Variants in NRXN3 observed in about 807,000 individuals in gnomAD.
NRXN3 encodes neurexin III.
A neutral mutation model predicts 137.6 loss-of-function variants in NRXN3; 32 were observed. The observed-to-expected ratio is 0.23, with a 90% CI of 0.18 to 0.31. The LOEUF is 0.31. Among genes scored for constraint, NRXN3 ranks in the 10% least tolerant of loss-of-function variants. The pLI, the probability that NRXN3 is intolerant of heterozygous loss-of-function variation, is 1.00. For synonymous variants in NRXN3, 798 were observed against 784.5 expected (o/e 1.02, Z -0.29); for missense variants, 1,574 against 2,062.5 (o/e 0.76, Z 4.59).
intron 16 of NRXN3, among the ~76,000 whole-genome samples, chr14:79,528,461 G>A (rs1433640855): frequency 1.3e-5 from 2 of 152,148 alleles, no homozygotes; most frequent in African/African-American, 4.8e-5. Context: ...GCAAAAAGTA[G>A]AGTAAGTTAT....
At chr14:79,500,623 G>A (rs548482928) in intron 16 of NRXN3, among the ~76,000 whole-genome samples, 6 of 152,232 alleles carry the variant, frequency 3.9e-5, no homozygotes, top group East Asian at 3.9e-4. Context: ...TTTCGTTTGT[G>A]TCTTAGTATG....
chr14:78,515,504 A>G (rs994073481), intron 4 of NRXN3, among the ~76,000 whole-genome samples: 3 of 152,166 alleles, frequency 2.0e-5, no homozygotes, highest in Non-Finnish European at 2.9e-5. Context: ...GAAGTGGCCT[A>G]TGAAAAAGCA....
At chr14:78,499,976 A>G (rs2095853322) in intron 4 of NRXN3, among the ~76,000 whole-genome samples, 1 of 152,170 alleles carries the variant, frequency 6.6e-6, no homozygotes, top group South Asian at 2.1e-4. Flanking sequence ...TGTTTGTTAC[A>G]CACAAGTCAC....
chr14:79,770,166 TTAA>T (rs1300131950), intron 19 of NRXN3, among the ~76,000 whole-genome samples: 1 of 151,828 alleles, frequency 6.6e-6, no homozygotes, highest in Non-Finnish European at 1.5e-5. Context: ...CTCCCACACA[TTAA>T]TAATGGGAGA....
rs71131666 is a variant in NRXN3 at position 78,917,988 on chromosome 14, G to GAAAAA, written c.2276-39243_2276-39239dup. Among the ~76,000 whole-genome samples the GAAAAA allele has an allele frequency of 3.2e-3, 339 of 107,442 alleles. 2 individuals are homozygous for GAAAAA. Among genetic ancestry groups the GAAAAA allele is most frequent in the East Asian group, 0.022 (90 of 4,042 alleles). 70.5% of individuals were successfully genotyped at this position (107,442 alleles called of 152,430 possible). ...AAAAAAAATAAAAAAATAAAAAAAT[G>GAAAAA]AAAAAAAAAAAAAAAGGCCAGGCAT... On this transcript the variant is annotated intron_variant, in intron 10 of 20. Transcript: ENST00000335750.
chr14:79,823,069 T>C (rs1568367072), intron 20 of NRXN3, among the ~76,000 whole-genome samples: 1 of 152,168 alleles, frequency 6.6e-6, no homozygotes, highest in Non-Finnish European at 1.5e-5. Flanking sequence ...GATCCATCTT[T>C]GTGTCAAGAG....
At chr14:79,800,973 T>G (rs1262731361) in intron 19 of NRXN3, among the ~76,000 whole-genome samples, 2 of 152,232 alleles carry the variant, frequency 1.3e-5, no homozygotes, top group Non-Finnish European at 2.9e-5. Flanking sequence ...ATTCTAAGCC[T>G]TTTTGCAAAT....
intron 4 of NRXN3, among the ~76,000 whole-genome samples, chr14:78,584,962 A>G (rs2097046498): frequency 6.6e-6 from 1 of 152,200 alleles, no homozygotes; most frequent in Non-Finnish European, 1.5e-5. Flanking sequence ...TCTACTCCAT[A>G]ACAGGCATAG....
intron 15 of NRXN3, among the ~76,000 whole-genome samples, chr14:79,037,268 C>T (rs1002840725): frequency 2.0e-5 from 3 of 152,128 alleles, no homozygotes; most frequent in East Asian, 1.9e-4. Context: ...ATAAAAAGTG[C>T]GCGCATGTGC....
chr14:78,963,438 C>T (rs1308852754), intron 11 of NRXN3, among the ~76,000 whole-genome samples: 1 of 151,974 alleles, frequency 6.6e-6, no homozygotes, highest in Non-Finnish European at 1.5e-5. Flanking sequence ...TGGATATTGA[C>T]TATGACTCCC....
At chr14:78,274,093 A>G (rs2073209028) in intron 2 of NRXN3, among the ~76,000 whole-genome samples, 1 of 152,202 alleles carries the variant, frequency 6.6e-6, no homozygotes, top group South Asian at 2.1e-4. Flanking sequence ...ATGATCTAGT[A>G]CAAATGAAGA....
At chr14:78,184,654 C>G (rs2060080125) in intron 1 of NRXN3, among the ~76,000 whole-genome samples, 1 of 152,196 alleles carries the variant, frequency 6.6e-6, no homozygotes. Context: ...ATTTTCCTCA[C>G]AGAATCTTGA....
chr14:79,679,033 G>A (rs2098655402), intron 17 of NRXN3, among the ~76,000 whole-genome samples: 1 of 151,486 alleles, frequency 6.6e-6, no homozygotes, highest in Admixed American at 6.6e-5. Context: ...TAATATATCT[G>A]ATTTCTCCTC....
chr14:78,712,482 A>T (rs2098413857), intron 7 of NRXN3, among the ~76,000 whole-genome samples: 1 of 152,196 alleles, frequency 6.6e-6, no homozygotes, highest in Admixed American at 6.5e-5. Context: ...GCAGATTGTT[A>T]AATTCCCCTT....
intron 20 of NRXN3, among the ~76,000 whole-genome samples, chr14:79,814,574 G>A (rs2099245966): frequency 6.6e-6 from 1 of 152,168 alleles, no homozygotes; most frequent in South Asian, 2.1e-4. Context: ...ACTGATCAAC[G>A]ACAATAAGAA....
chr14:79,191,810 C>T (rs912532904), intron 15 of NRXN3, among the ~76,000 whole-genome samples: 2 of 152,082 alleles, frequency 1.3e-5, no homozygotes, highest in African/African-American at 4.8e-5. Flanking sequence ...GATCCTTGAC[C>T]TTTCCACTGT....
chr14:78,488,331 A>C (rs1322929308), intron 4 of NRXN3, among the ~76,000 whole-genome samples: 1 of 152,170 alleles, frequency 6.6e-6, no homozygotes, highest in Admixed American at 6.6e-5. Flanking sequence ...GACACAAATC[A>C]ACTCATAACA....
At chr14:79,463,193 T>C (rs1398231936) in intron 15 of NRXN3, among the ~76,000 whole-genome samples, 2 of 152,172 alleles carry the variant, frequency 1.3e-5, no homozygotes, top group Non-Finnish European at 2.9e-5. Flanking sequence ...TTAAGAACCT[T>C]GGAGAAATAT....
chr14:79,804,993 C>G (rs556470407), intron 19 of NRXN3, 119 bp from the exon 20 acceptor site: 7 of 682,154 alleles, frequency 1.0e-5, no homozygotes, highest in Non-Finnish European at 1.8e-5. Flanking sequence ...GAAAAATAAT[C>G]GTAATGATGG....
Sources: gnomAD v4.1 joint callset for allele counts (sites outside exome capture counted in the v4.1 genomes callset) on GRCh38, gnomAD v4.1.1 for gene constraint, MANE v1.5 for transcripts, NCBI Gene and HGNC (gene_info 2026-07-23, HGNC 2026-07-21) for gene names.